ASAP1: variants seen among roughly 807,000 people sequenced by gnomAD.
ASAP1 encodes the protein ArfGAP with SH3 domain, ankyrin repeat and PH domain 1, also known as arf-GAP with SH3 domain, ANK repeat and PH domain-containing protein 1.
Under a neutral mutation model 145.2 loss-of-function variants are expected in ASAP1, and 43 were observed. That is an observed-to-expected ratio of 0.30 (90% CI 0.23 to 0.38). ASAP1 has a LOEUF of 0.38. Among genes scored for constraint, ASAP1 ranks in the 10% least tolerant of loss-of-function variants. ASAP1 has a pLI of 1.00. For missense variants in ASAP1, 1,018 were observed against 1,355.3 expected, an observed-to-expected ratio of 0.75 and a Z score of 3.91; for synonymous variants, 546 against 515.5, an observed-to-expected ratio of 1.06 and a Z score of -0.80.
At chr8:130,206,530 G>A (rs1235937087) in intron 5 of ASAP1, among the ~76,000 whole-genome samples, 2 of 151,988 alleles carry the variant, frequency 1.3e-5, no homozygotes, top group Non-Finnish European at 2.9e-5. Context: ...CTATGCAGAT[G>A]GAGAAATCTT....
intron 7 of ASAP1, among the ~76,000 whole-genome samples, chr8:130,184,400 A>G (rs1814576247): frequency 6.6e-6 from 1 of 152,236 alleles, no homozygotes; most frequent in African/African-American, 2.4e-5. Flanking sequence ...AGTTGGAAAA[A>G]GGGGAGGGAC....
At chr8:130,203,543 T>C (rs1255609629) in intron 5 of ASAP1, among the ~76,000 whole-genome samples, 3 of 152,136 alleles carry the variant, frequency 2.0e-5, no homozygotes, top group African/African-American at 7.2e-5. Context: ...TCAGGCAACA[T>C]TGTGCAGAGG....
At chr8:130,114,054 T>A (rs952132479) in intron 23 of ASAP1, among the ~76,000 whole-genome samples, 3 of 152,184 alleles carry the variant, frequency 2.0e-5, no homozygotes, top group African/African-American at 7.2e-5. Context: ...AGTGCTGGGA[T>A]TACAGGTGTG....
chr8:130,116,651 A>C, intron 22 of ASAP1, 27 bp downstream of exon 22: 2 of 1,603,132 alleles, frequency 1.2e-6, no homozygotes, highest in African/African-American at 1.3e-5. Context: ...AATGTCTAAT[A>C]AATCTCCCAC....
At position 130,060,803 on chromosome 8, in the gene ASAP1, G is replaced by A. The variant is rs143261202; in HGVS notation, c.2968C>T (p.Pro990Ser). The A allele has an allele frequency of 1.2e-6, 2 of 1,614,106 alleles. No homozygotes were observed. Among genetic ancestry groups the A allele is most frequent in the Admixed American group, 1.7e-5 (1 of 60,012 alleles). ...AGGTCTCCCAGCTGTGGTTTGGGGG[G>A]CAGGTCCTTCATCTGTGGTTTGGGA... ...LPPKPQMKDL[P>S]PKPQLGDLLA... The change falls in exon 28 of 30, where the codon CCC becomes TCC. Residue 990 changes from proline to serine, a missense_variant. Transcript: ENST00000518721.
intron 1 of ASAP1, among the ~76,000 whole-genome samples, chr8:130,440,505 A>C (rs1399370011): frequency 3.1e-5 from 4 of 129,218 alleles, no homozygotes; most frequent in Non-Finnish European, 4.8e-5. Flanking sequence ...AGACTCTGTC[A>C]AAAAAAAAAA....
In ASAP1 at chr8:130,428,573, T is replaced by C. The variant is rs984920561; in HGVS notation, c.-28+14887A>G. On this transcript the variant is annotated intron_variant, in intron 1 of 29. Transcript: ENST00000518721. ...ATAACTACCACCATCATCACCACCA[T>C]CATCATCATCAACTCCATCATCACC... Among the ~76,000 whole-genome samples the C allele has an allele frequency of 2.7e-4, 38 of 139,212 alleles. 1 individual carries two copies. The highest frequency in any genetic ancestry group is 1.2e-3 in the Admixed American group (17 of 13,926). The allele number at this position is 139,212 out of a possible 152,430, so 91.3% of individuals were successfully genotyped here.
At chr8:130,298,633 C>T (rs898829011) in intron 3 of ASAP1, among the ~76,000 whole-genome samples, 2 of 152,208 alleles carry the variant, frequency 1.3e-5, no homozygotes, top group Non-Finnish European at 2.9e-5. Context: ...ATAAGCCCCC[C>T]ATCTTTCCAG....
At chr8:130,093,717 T>C (rs970251379) in intron 24 of ASAP1, among the ~76,000 whole-genome samples, 1 of 140,826 alleles carries the variant, frequency 7.1e-6, no homozygotes, top group East Asian at 2.1e-4. Context: ...CCACACTGAA[T>C]GTTTAACACA....
chr8:130,432,179 A>C (rs1160294759), intron 1 of ASAP1, among the ~76,000 whole-genome samples: 1 of 128,540 alleles, frequency 7.8e-6, no homozygotes, highest in Non-Finnish European at 1.7e-5. Context: ...GGAAAGGGGG[A>C]GAAGGGAGAG....
intron 3 of ASAP1, among the ~76,000 whole-genome samples, chr8:130,335,281 A>C (rs1824960522): frequency 6.6e-6 from 1 of 152,226 alleles, no homozygotes; most frequent in South Asian, 2.1e-4. Context: ...CCCTCAGCCA[A>C]GCATTTAAAT....
At chr8:130,397,543 C>T (rs1828589573) in intron 2 of ASAP1, among the ~76,000 whole-genome samples, 1 of 152,234 alleles carries the variant, frequency 6.6e-6, no homozygotes, top group African/African-American at 2.4e-5. Context: ...CAAGGGCGAG[C>T]ACTTGCCTAC....
chr8:130,371,227 A>C (rs866308704), intron 2 of ASAP1, among the ~76,000 whole-genome samples: 1 of 152,210 alleles, frequency 6.6e-6, no homozygotes, highest in South Asian at 2.1e-4. Context: ...CATGTTTAAT[A>C]GATAGGAAAT....
chr8:130,308,743 T>G (rs1823142939), intron 3 of ASAP1, among the ~76,000 whole-genome samples: 1 of 152,112 alleles, frequency 6.6e-6, no homozygotes, highest in African/African-American at 2.4e-5. Flanking sequence ...AATGGGCCTG[T>G]AGAATGATGA....
At chr8:130,400,213 C>A (rs77539292) in intron 2 of ASAP1, among the ~76,000 whole-genome samples, 1 of 152,188 alleles carries the variant, frequency 6.6e-6, no homozygotes, top group African/African-American at 2.4e-5. Context: ...TTCCACTACG[C>A]GGACTTCTTA....
At chr8:130,089,422 T>C (rs2097500911) in intron 25 of ASAP1, among the ~76,000 whole-genome samples, 1 of 152,136 alleles carries the variant, frequency 6.6e-6, no homozygotes, top group African/African-American at 2.4e-5. Flanking sequence ...CTCCCAGTCC[T>C]GATCTCTCAC....
intron 7 of ASAP1, among the ~76,000 whole-genome samples, chr8:130,185,342 C>T (rs1457917122): frequency 1.3e-5 from 2 of 152,154 alleles, no homozygotes; most frequent in Non-Finnish European, 2.9e-5. Context: ...AGTACATAAA[C>T]TATGAGTCAT....
At chr8:130,062,216 G>A (rs1321055477) in intron 27 of ASAP1, among the ~76,000 whole-genome samples, 4 of 152,216 alleles carry the variant, frequency 2.6e-5, no homozygotes, top group African/African-American at 9.7e-5. Context: ...ACTCAGGGAG[G>A]AAACAGCTGA....
At chr8:130,413,391 T>C (rs939525288) in intron 1 of ASAP1, among the ~76,000 whole-genome samples, 1 of 152,256 alleles carries the variant, frequency 6.6e-6, no homozygotes, top group African/African-American at 2.4e-5. Context: ...CTCCATTTTA[T>C]GATGACCACA....
Sources: allele counts gnomAD v4.1 joint callset (sites outside exome capture counted in the v4.1 genomes callset), GRCh38; gene constraint gnomAD v4.1.1; transcripts MANE v1.5; gene names NCBI Gene and HGNC (gene_info 2026-07-23, HGNC 2026-07-21).